Variants in XKR9 observed in about 807,000 individuals in gnomAD.
The protein encoded by XKR9 is XK related 9, also known as XK-related protein 9.
XKR9 carries 32 observed loss-of-function variants against 32.0 expected under a neutral mutation model. The observed-to-expected ratio is 1.00, with a 90% CI of 0.76 to 1.34. The LOEUF is 1.34. Among genes scored for constraint, XKR9 ranks in the 40% most tolerant of loss-of-function variants. The pLI, the probability that XKR9 is intolerant of heterozygous loss-of-function variation, is 0.00. For synonymous variants in XKR9, 168 were observed against 143.4 expected (o/e 1.17, Z -1.22); for missense variants, 546 against 429.7 (o/e 1.27, Z -2.39).
chr8:70,753,939 T>C (rs1022242038), intron 2 of XKR9, among the ~76,000 whole-genome samples: 7 of 134,616 alleles, frequency 5.2e-5, no homozygotes, highest in African/African-American at 1.8e-4. Context: ...GAGAAGGAAA[T>C]AAAGGGTATT....
intron 4 of XKR9, among the ~76,000 whole-genome samples, chr8:70,731,788 G>C (rs73684541): frequency 0.073 from 11,048 of 152,218 alleles, 474 homozygotes; most frequent in Non-Finnish European, 0.089. Flanking sequence ...AATGTAATCA[G>C]ACAAGGAAAG....
chr8:71,038,607 C>A, the XKR9 span, among the ~76,000 whole-genome samples: 1 of 151,586 alleles, frequency 6.6e-6, no homozygotes, highest in African/African-American at 2.4e-5. Context: ...CGTGAGCCAC[C>A]GCGCCTGGCC....
the XKR9 span, among the ~76,000 whole-genome samples, chr8:70,876,751 T>A: frequency 1.3e-5 from 2 of 152,114 alleles, no homozygotes; most frequent in African/African-American, 4.8e-5. Context: ...AGTTTCTGAG[T>A]CTGAAGCTAT....
At chr8:70,971,355 G>C in the XKR9 span, among the ~76,000 whole-genome samples, 1 of 151,756 alleles carries the variant, frequency 6.6e-6, no homozygotes, top group East Asian at 1.9e-4. Flanking sequence ...GTAGATTCTG[G>C]GTATTAGTCC....
the XKR9 span, among the ~76,000 whole-genome samples, chr8:70,967,902 G>A: frequency 1.3e-5 from 2 of 152,002 alleles, no homozygotes; most frequent in East Asian, 1.9e-4. Context: ...AGAATCTGAC[G>A]ATTATGTGTC....
chr8:70,902,973 C>T, the XKR9 span, among the ~76,000 whole-genome samples: 2 of 152,198 alleles, frequency 1.3e-5, no homozygotes, highest in Non-Finnish European at 2.9e-5. Context: ...ACCAGCCTTG[C>T]ATCCCAGGGA....
At chr8:70,938,683 C>A in the XKR9 span, among the ~76,000 whole-genome samples, 1 of 152,036 alleles carries the variant, frequency 6.6e-6, no homozygotes. Context: ...TGGGATATGA[C>A]TAATTTTTCG....
At chr8:70,719,922 A>G (rs1423977300) in intron 4 of XKR9, among the ~76,000 whole-genome samples, 2 of 152,090 alleles carry the variant, frequency 1.3e-5, no homozygotes, top group Non-Finnish European at 2.9e-5. Context: ...GAATCTTCCT[A>G]TCCATGAGCA....
chr8:70,701,032 C>A (rs1805510648), intron 3 of XKR9, among the ~76,000 whole-genome samples: 1 of 152,200 alleles, frequency 6.6e-6, no homozygotes, highest in Admixed American at 6.5e-5. Context: ...TTTTTAAGCC[C>A]CTCGGAAAAG....
At chr8:71,041,783 T>C in the XKR9 span, among the ~76,000 whole-genome samples, 2 of 152,182 alleles carry the variant, frequency 1.3e-5, no homozygotes, top group Non-Finnish European at 2.9e-5. Context: ...ATTGCTGCCA[T>C]GTGAAGAAGT....
chr8:70,707,706 A>G (rs1586840014), intron 4 of XKR9, among the ~76,000 whole-genome samples: 1 of 152,080 alleles, frequency 6.6e-6, no homozygotes, highest in Admixed American at 6.6e-5. Context: ...GTAAATTCCC[A>G]GAAGTGGAAT....
chr8:70,980,865 T>TG, the XKR9 span, among the ~76,000 whole-genome samples: 1 of 152,356 alleles, frequency 6.6e-6, no homozygotes, highest in East Asian at 1.9e-4. Context: ...TTTGTTTGTC[T>TG]GAAAAAGACC....
At chr8:70,939,432 T>C in the XKR9 span, among the ~76,000 whole-genome samples, 1 of 152,074 alleles carries the variant, frequency 6.6e-6, no homozygotes, top group Non-Finnish European at 1.5e-5. Context: ...CACAGGTATT[T>C]CTCTTGAGGC....
chr8:70,939,541 C>T, the XKR9 span, among the ~76,000 whole-genome samples: 2 of 152,012 alleles, frequency 1.3e-5, no homozygotes, highest in Admixed American at 1.3e-4. Flanking sequence ...CCTGTATCTT[C>T]AGTGCTGGGC....
the XKR9 span, among the ~76,000 whole-genome samples, chr8:71,019,140 C>CT: frequency 0.036 from 5,316 of 148,666 alleles, 136 homozygotes; most frequent in Non-Finnish European, 0.044. Flanking sequence ...TTTCCTTCTC[C>CT]TTTTTTTTTT....
the XKR9 span, among the ~76,000 whole-genome samples, chr8:70,868,927 C>T: frequency 6.6e-6 from 1 of 152,130 alleles, no homozygotes; most frequent in Non-Finnish European, 1.5e-5. Context: ...TAAATCACCT[C>T]TCTCAAGTTC....
chr8:70,852,191 A>G, the XKR9 span, among the ~76,000 whole-genome samples: 1 of 152,248 alleles, frequency 6.6e-6, no homozygotes, highest in African/African-American at 2.4e-5. Flanking sequence ...AAAGCTCCTC[A>G]TCAATGGTCA....
chr8:70,982,788 A>C, the XKR9 span, among the ~76,000 whole-genome samples: 2 of 152,208 alleles, frequency 1.3e-5, no homozygotes, highest in Non-Finnish European at 2.9e-5. Flanking sequence ...TGCTCTGTAT[A>C]TGAGCAGGAA....
At position 70,681,161 on chromosome 8, in the gene XKR9, G is replaced by C. The variant is rs1819066799; in HGVS notation, c.103G>C (p.Glu35Gln). ...DIWVSVRFFHEGQYVFSALAL... is the reference protein window; with the variant it reads ...DIWVSVRFFHQGQYVFSALAL... ...ATGGGTATCTGTCAGATTTTTCCATGAAGGACAGTATGTTTTTAGTGCTTT... is the reference window on the plus strand; with the variant it reads ...ATGGGTATCTGTCAGATTTTTCCATCAAGGACAGTATGTTTTTAGTGCTTT... Residue 35 changes from glutamate (E) to glutamine (Q), a missense_variant, in exon 3 of 5, where the codon GAA (glutamate) becomes CAA (glutamine). Glu to Gln is a conservative substitution (Grantham distance 29). Coordinates refer to ENST00000408926, the MANE Select transcript of XKR9 (RefSeq NM_001011720.2). 1.2e-6 allele frequency: 2 copies of C among 1,613,554 alleles called. No homozygotes were observed. The highest frequency in any genetic ancestry group is 4.5e-5 in the East Asian group (2 of 44,810).
Sources: allele counts gnomAD v4.1 joint callset (sites outside exome capture counted in the v4.1 genomes callset), GRCh38; gene constraint gnomAD v4.1.1; transcripts MANE v1.5; gene names NCBI Gene and HGNC (gene_info 2026-07-23, HGNC 2026-07-21).